The following NTM variants were observed in gnomAD, a reference collection of about 807,000 sequenced individuals.
NTM encodes neurotrimin.
In NTM, 13 loss-of-function variants were observed where a neutral mutation model predicts 42.1. The ratio of observed to expected loss-of-function variants is 0.31; its 90% CI spans 0.20 to 0.49. NTM has a LOEUF of 0.49. Ranked by LOEUF, NTM falls within the 20% of genes least tolerant of loss-of-function variation. The pLI, the probability that NTM is intolerant of heterozygous loss-of-function variation, is 0.99. For missense variants in NTM, 373 were observed against 452.8 expected (o/e 0.82, Z 1.60); for synonymous variants, 187 against 179.2 (o/e 1.04, Z -0.35).
At chr11:131,566,777 T>C (rs1565647108) in intron 1 of NTM, among the ~76,000 whole-genome samples, 1 of 152,198 alleles carries the variant, frequency 6.6e-6, no homozygotes, top group Non-Finnish European at 1.5e-5. Context: ...GCTGTAAGCC[T>C]TGTTCTGAAA....
At chr11:131,997,722 C>T (rs2068341781) in intron 2 of NTM, among the ~76,000 whole-genome samples, 1 of 151,998 alleles carries the variant, frequency 6.6e-6, no homozygotes, top group Non-Finnish European at 1.5e-5. Flanking sequence ...GGAAGATGCC[C>T]TTGAAAAAGT....
intron 1 of NTM, among the ~76,000 whole-genome samples, chr11:131,739,836 C>T (rs1443988284): frequency 6.6e-6 from 1 of 152,174 alleles, no homozygotes; most frequent in Non-Finnish European, 1.5e-5. Context: ...CAAATGCAGA[C>T]AGGTCTATAG....
intron 1 of NTM, among the ~76,000 whole-genome samples, chr11:131,449,862 C>A (rs1950352732): frequency 1.3e-5 from 2 of 152,162 alleles, no homozygotes; most frequent in African/African-American, 4.8e-5. Context: ...CTCTGCTTGC[C>A]AGATGAAAAC....
chr11:131,788,005 C>A (rs1192263371), intron 1 of NTM, among the ~76,000 whole-genome samples: 2 of 152,122 alleles, frequency 1.3e-5, no homozygotes, highest in Non-Finnish European at 2.9e-5. Context: ...TTTTCTTAGT[C>A]CTAATTGTGT....
chr11:131,643,074 G>A (rs868009313), intron 1 of NTM, among the ~76,000 whole-genome samples: 2 of 151,732 alleles, frequency 1.3e-5, no homozygotes, highest in African/African-American at 2.4e-5. Context: ...AACTCAGAAG[G>A]GGGGAATGAG....
At chr11:132,280,416 A>C (rs1326345592) in intron 4 of NTM, among the ~76,000 whole-genome samples, 2 of 141,648 alleles carry the variant, frequency 1.4e-5, no homozygotes, top group Admixed American at 7.3e-5. Context: ...TAGTCTCAGC[A>C]CCCTCCGAGT....
intron 3 of NTM, among the ~76,000 whole-genome samples, chr11:132,180,115 A>G (rs749854734): frequency 6.6e-6 from 1 of 152,200 alleles, no homozygotes; most frequent in Non-Finnish European, 1.5e-5. Flanking sequence ...TTGATTGTCT[A>G]TGGAGAGAAA....
intron 1 of NTM, among the ~76,000 whole-genome samples, chr11:131,792,349 G>A (rs193084560): frequency 1.7e-4 from 26 of 152,236 alleles, no homozygotes; most frequent in African/African-American, 6.3e-4. Context: ...CTGGTTTTCT[G>A]TTCCTTTGCC....
Position 131,787,981 on chromosome 11 carries a change from T to G in NTM, c.83-123583T>G, listed in dbSNP as rs557522011. 1.8e-4 allele frequency among the ~76,000 whole-genome samples: 27 copies of G among 152,338 alleles called. No individual in the cohort carries two copies. The South Asian group carries it at 5.0e-3, about 28-fold the overall frequency. On this transcript the variant is annotated intron_variant, in intron 1 of 8. Coordinates refer to ENST00000683400, the MANE Select transcript of NTM (RefSeq NM_001352005.2). Reference sequence around the variant, plus strand: ...GTCTGGACTCAGTGTTTTGTTGTGATTGTTTCTTTTCTCTTTTCTTAGTCC... The same window carrying G: ...GTCTGGACTCAGTGTTTTGTTGTGAGTGTTTCTTTTCTCTTTTCTTAGTCC...
At chr11:131,492,455 TA>T (rs1441521665) in intron 1 of NTM, among the ~76,000 whole-genome samples, 1 of 152,148 alleles carries the variant, frequency 6.6e-6, no homozygotes, top group Non-Finnish European at 1.5e-5. Context: ...CACAACTTCA[TA>T]AAAAGGCATT....
At chr11:131,730,721 A>AAAAAAAAAAAAAAAAAG (rs113412896) in intron 1 of NTM, among the ~76,000 whole-genome samples, 5 of 134,270 alleles carry the variant, frequency 3.7e-5, no homozygotes, top group East Asian at 2.3e-4. Flanking sequence ...CTATCTGTTA[A>AAAAAAAAAAAAAAAAAG]AAGAAGAAGA....
intron 1 of NTM, among the ~76,000 whole-genome samples, chr11:131,632,109 A>G (rs2137785685): frequency 6.6e-6 from 1 of 152,270 alleles, no homozygotes; most frequent in Non-Finnish European, 1.5e-5. Context: ...TTTCAAGGCC[A>G]TTCTTCTGTA....
At position 131,712,445 on chromosome 11, in the gene NTM, T is replaced by C. The variant is rs192500058; in HGVS notation, c.83-199119T>C. The stretch of plus-strand genomic sequence containing the variant: ...TGTGTATACATACACTAGAGATAAA[T>C]AGTAATCATCATATGTATACACATA... On this transcript the variant is annotated intron_variant, in intron 1 of 8. Coordinates refer to ENST00000683400, the MANE Select transcript of NTM (RefSeq NM_001352005.2). Among the ~76,000 whole-genome samples the C allele has an allele frequency of 2.4e-3, 364 of 152,216 alleles. 1 individual carries two copies. The highest frequency in any genetic ancestry group is 8.1e-3 in the African/African-American group (338 of 41,546).
chr11:132,076,153 T>A (rs538674475), intron 2 of NTM, among the ~76,000 whole-genome samples: 1 of 152,340 alleles, frequency 6.6e-6, no homozygotes, highest in Admixed American at 6.5e-5. Context: ...GCCAAATACT[T>A]CTTTTTTTAA....
At chr11:131,832,073 A>G (rs1421371116) in intron 1 of NTM, among the ~76,000 whole-genome samples, 1 of 151,522 alleles carries the variant, frequency 6.6e-6, no homozygotes, top group Non-Finnish European at 1.5e-5. Flanking sequence ...TGGATGAACC[A>G]AAAGAAAGCA....
intron 1 of NTM, among the ~76,000 whole-genome samples, chr11:131,892,431 G>A (rs2051513612): frequency 6.6e-6 from 1 of 152,228 alleles, no homozygotes; most frequent in Non-Finnish European, 1.5e-5. Flanking sequence ...TGCACATAGT[G>A]CATCACTCCT....
At chr11:132,158,338 T>A (rs992369307) in intron 3 of NTM, among the ~76,000 whole-genome samples, 7 of 152,226 alleles carry the variant, frequency 4.6e-5, no homozygotes, top group Admixed American at 3.9e-4. Flanking sequence ...TCTTCTTAGA[T>A]CTCTGTTCAA....
At chr11:131,942,821 C>T (rs1459389028) in intron 2 of NTM, among the ~76,000 whole-genome samples, 1 of 151,920 alleles carries the variant, frequency 6.6e-6, no homozygotes, top group Non-Finnish European at 1.5e-5. Context: ...TGACACGTGT[C>T]TGTAACCCCA....
intron 1 of NTM, among the ~76,000 whole-genome samples, chr11:131,394,242 T>G (rs1173000838): frequency 6.6e-6 from 1 of 152,190 alleles, no homozygotes; most frequent in Non-Finnish European, 1.5e-5. Context: ...TTCCCCTGGC[T>G]TCCCTCATTT....
Sources: gnomAD v4.1 joint callset for allele counts (sites outside exome capture counted in the v4.1 genomes callset) on GRCh38, gnomAD v4.1.1 for gene constraint, MANE v1.5 for transcripts, NCBI Gene and HGNC (gene_info 2026-07-23, HGNC 2026-07-21) for gene names.